Variants in KLF7 observed in about 807,000 individuals in gnomAD.
The protein encoded by KLF7 is KLF transcription factor 7.
In KLF7, 2 loss-of-function variants were observed where a neutral mutation model predicts 27.3. The ratio of observed to expected loss-of-function variants is 0.07; its 90% confidence interval spans 0.03 to 0.23. KLF7 has a LOEUF of 0.23. KLF7 is among the 10% of genes least tolerant of loss of function. The pLI is 1.00. For synonymous variants in KLF7, 165 were observed against 162.4 expected, an observed-to-expected ratio of 1.02 and a Z score of -0.12; for missense variants, 221 against 394.1, an observed-to-expected ratio of 0.56 and a Z score of 3.72.
In KLF7 at chr2:207,128,587, G is replaced by A. The variant is rs1262878494; in HGVS notation, c.103-4183C>T. Reference sequence around the variant, plus strand: ...GATAAAATATAATAACTCTACAGTGGAGAAACCTGGAAGAAACCACCTTAG... The same window carrying A: ...GATAAAATATAATAACTCTACAGTGAAGAAACCTGGAAGAAACCACCTTAG... On this transcript the variant is annotated intron_variant, in intron 1 of 3. Transcript: ENST00000309446. Among the ~76,000 whole-genome samples, 4 of 152,126 alleles carry A rather than the reference G, an allele frequency of 2.6e-5. No individual in the cohort carries two copies. In the East Asian group the frequency reaches 7.7e-4, roughly 29 times the overall value.
chr2:207,110,507 T>C (rs535572203), intron 2 of KLF7, among the ~76,000 whole-genome samples: 2 of 152,316 alleles, frequency 1.3e-5, no homozygotes, highest in Non-Finnish European at 2.9e-5. Flanking sequence ...GCTAGGCCCA[T>C]TTCCTGGCAA....
chr2:207,167,874 G>C (rs959330938), upstream of KLF7, among the ~76,000 whole-genome samples: 1 of 152,188 alleles, frequency 6.6e-6, no homozygotes. Context: ...ACACTATTAG[G>C]TGAATACTAA....
At chr2:207,144,877 T>C (rs989761329) in intron 1 of KLF7, among the ~76,000 whole-genome samples, 1 of 152,206 alleles carries the variant, frequency 6.6e-6, no homozygotes, top group Non-Finnish European at 1.5e-5. Context: ...GTACCCCCTG[T>C]TGCACATCAG....
chr2:207,115,939 G>A (rs1322244847), intron 2 of KLF7, among the ~76,000 whole-genome samples: 5 of 152,234 alleles, frequency 3.3e-5, no homozygotes, highest in Non-Finnish European at 7.3e-5. Flanking sequence ...GTGAAGGATA[G>A]AGGAAAGCTG....
At position 207,165,611 on chromosome 2, in the gene KLF7, A is replaced by C. The variant is rs186669002; in HGVS notation, c.-43T>G. 2.6e-5 allele frequency: 42 copies of C among 1,612,144 alleles called. No homozygotes were observed. In the African/African-American group the frequency reaches 5.3e-4, roughly 20 times the overall value. ...AAACGGGAGGCGAAACCCTCCCCCG[A>C]ACACAGTTGGGGCTGTTTGTTTGTC... On this transcript the variant is annotated 5_prime_UTR_variant, in exon 1 of 4. Transcript: ENST00000309446.
chr2:207,112,222 A>T (rs2077057095), intron 2 of KLF7, among the ~76,000 whole-genome samples: 1 of 134,142 alleles, frequency 7.5e-6, no homozygotes, highest in Non-Finnish European at 1.6e-5. Context: ...AGCAGAAATA[A>T]TATTATACCC....
intron 2 of KLF7, among the ~76,000 whole-genome samples, chr2:207,096,919 T>TA (rs1369382712): frequency 6.6e-6 from 1 of 152,216 alleles, no homozygotes. Context: ...AGCAGTCCTC[T>TA]AGCAACAGTG....
intron 1 of KLF7, among the ~76,000 whole-genome samples, chr2:207,150,878 A>G (rs2078223725): frequency 6.6e-6 from 1 of 152,038 alleles, no homozygotes; most frequent in African/African-American, 2.4e-5. Context: ...TTTCCTGCAA[A>G]TGTTCATTAA....
intron 2 of KLF7, among the ~76,000 whole-genome samples, chr2:207,115,613 T>C (rs1408912973): frequency 6.6e-6 from 1 of 152,200 alleles, no homozygotes; most frequent in Non-Finnish European, 1.5e-5. Context: ...TGTCAATACA[T>C]TAACAAATTG....
intron 2 of KLF7, among the ~76,000 whole-genome samples, chr2:207,100,979 T>C (rs754891161): frequency 3.3e-5 from 5 of 152,226 alleles, no homozygotes; most frequent in Admixed American, 1.3e-4. Context: ...TAACATGCAC[T>C]GAATACAATG....
At chr2:207,110,191 T>G (rs966714153) in intron 2 of KLF7, 2 of 154,606 alleles carry the variant, frequency 1.3e-5, no homozygotes, top group Non-Finnish European at 2.9e-5. Context: ...TTAAATCCTT[T>G]TACCTGAAAT....
intron 2 of KLF7, among the ~76,000 whole-genome samples, chr2:207,101,319 A>T (rs1024496946): frequency 2.0e-5 from 3 of 152,236 alleles, no homozygotes; most frequent in African/African-American, 7.2e-5. Context: ...AGCACCATGC[A>T]TACATACAAA....
rs957586998 is a variant in KLF7 at position 207,075,848 on chromosome 2, A to G, written c.*5365T>C. The G allele has an allele frequency of 1.3e-5, 2 of 152,124 alleles. No homozygotes were observed. The highest frequency in any genetic ancestry group is 2.9e-5 in the Non-Finnish European group (2 of 68,020). The allele number at this position is 152,124 out of a possible 1,614,324, so 9.4% of individuals were successfully genotyped here. ...AAACTAAGTCTGGGTTTAGATAGGAAATGCATGCTGGGAAGAAAAAACAAA... is the reference window on the plus strand; with the variant it reads ...AAACTAAGTCTGGGTTTAGATAGGAGATGCATGCTGGGAAGAAAAAACAAA... On this transcript the variant is annotated 3_prime_UTR_variant, in exon 4 of 4. Transcript: ENST00000309446.
chr2:207,157,219 T>TAAAAAAAA (rs5838052), intron 1 of KLF7, among the ~76,000 whole-genome samples: 7 of 87,312 alleles, frequency 8.0e-5, no homozygotes, highest in African/African-American at 1.3e-4. Context: ...AACAGAAAAG[T>TAAAAAAAA]AAAAAAAAAA....
rs1269319357 is a variant in KLF7, at chr2:207,076,346, C to T, written c.*4867G>A. 1.3e-5 allele frequency: 2 copies of T among 152,008 alleles called. No homozygotes were observed. The highest frequency in any genetic ancestry group is 6.6e-5 in the Admixed American group (1 of 15,256). The allele number at this position is 152,008 out of a possible 1,614,324, so 9.4% of individuals were successfully genotyped here. A position where few individuals can be genotyped will look rare whatever the true frequency, so the allele number is the denominator to read the frequency against. On this transcript the variant is annotated 3_prime_UTR_variant, in exon 4 of 4. Coordinates refer to ENST00000309446, the MANE Select transcript of KLF7 (RefSeq NM_003709.4). Reference sequence around the variant, plus strand: ...AGGGAGCCCTGTTTGAAAAGAATATCTTGTTTGGGATATTTGTGAAGTGAT... The same window carrying T: ...AGGGAGCCCTGTTTGAAAAGAATATTTTGTTTGGGATATTTGTGAAGTGAT...
chr2:207,140,982 TG>T, intron 1 of KLF7, among the ~76,000 whole-genome samples: 1 of 152,352 alleles, frequency 6.6e-6, no homozygotes, highest in Middle Eastern at 3.4e-3. Context: ...GACTTCTGCC[TG>T]CTCCTTCTAC....
At chr2:207,087,952 C>T (rs1301916010) in intron 3 of KLF7, among the ~76,000 whole-genome samples, 1 of 152,164 alleles carries the variant, frequency 6.6e-6, no homozygotes, top group Non-Finnish European at 1.5e-5. Context: ...TCTGGGCCCC[C>T]AAAGAATGGG....
intron 1 of KLF7, among the ~76,000 whole-genome samples, chr2:207,145,588 T>C (rs1209901166): frequency 6.6e-6 from 1 of 152,246 alleles, no homozygotes; most frequent in Non-Finnish European, 1.5e-5. Flanking sequence ...GAAAAGTTTT[T>C]GAGAAGAATA....
chr2:207,111,504 G>C (rs2105939013), intron 2 of KLF7, among the ~76,000 whole-genome samples: 1 of 152,330 alleles, frequency 6.6e-6, no homozygotes, highest in East Asian at 1.9e-4. Flanking sequence ...GCCCTGCTGG[G>C]GGACTAGCAG....
Sources: gnomAD v4.1 joint callset for allele counts (sites outside exome capture counted in the v4.1 genomes callset) on GRCh38, gnomAD v4.1.1 for gene constraint, MANE v1.5 for transcripts, NCBI Gene and HGNC (gene_info 2026-07-23, HGNC 2026-07-21) for gene names.